The following SPICE1 variants were observed in gnomAD, a reference collection of about 807,000 sequenced individuals.
SPICE1 encodes the protein spindle and centriole associated protein 1.
Under a neutral mutation model 102.7 loss-of-function variants are expected in SPICE1, and 75 were observed. That is an observed-to-expected ratio of 0.73 (90% CI 0.61 to 0.88). The LOEUF (loss-of-function observed/expected upper bound fraction) is 0.88. Among genes scored for constraint, SPICE1 ranks in the 40% least tolerant of loss-of-function variants. The probability of loss-of-function intolerance (pLI) is 0.00; values close to 1 mark genes in which losing one functional copy is unlikely to be tolerated. For missense variants in SPICE1, 979 were observed against 1,020.1 expected (o/e 0.96, Z 0.55); for synonymous variants, 308 against 350.3 (o/e 0.88, Z 1.35).
Position 113,446,681 on chromosome 3 carries a change from T to C in SPICE1, c.2427-5A>G. On this transcript the variant is annotated splice_polypyrimidine_tract_variant and splice_region_variant and intron_variant, in intron 16 of 17. Coordinates refer to ENST00000295872, the MANE Select transcript of SPICE1 (RefSeq NM_144718.4). ...TTACCAGTAGCCCCGGAAGATCTAT[T>C]CATGAAAAATAAAACAGAGTAAGAG... The C allele has an allele frequency of 6.2e-7, 1 of 1,608,650 alleles. No individual in the cohort carries two copies. Among genetic ancestry groups the C allele is most frequent in the Non-Finnish European group, 8.5e-7 (1 of 1,175,796 alleles).
In SPICE1 at chr3:113,443,849, A is replaced by G. The variant is rs1351190475; in HGVS notation, c.*1458T>C. The G allele has an allele frequency of 1.3e-5, 2 of 152,236 alleles. No individual in the cohort carries two copies. The highest frequency in any genetic ancestry group is 2.4e-5 in the African/African-American group (1 of 41,470). 9.4% of individuals were successfully genotyped at this position (152,236 alleles called of 1,614,324 possible). A position where few individuals can be genotyped will look rare whatever the true frequency, so the allele number is the denominator to read the frequency against. On this transcript the variant is annotated 3_prime_UTR_variant, in exon 18 of 18. Transcript: ENST00000295872. ...TCATGAAGCACATAAAGTGGCTACA[A>G]TATTGCCTAGTATGTAGTTAACAGT...
chr3:113,458,245 G>A (rs562026294), intron 12 of SPICE1, among the ~76,000 whole-genome samples: 18 of 150,190 alleles, frequency 1.2e-4, no homozygotes, highest in African/African-American at 3.9e-4. Context: ...CTCTTTGCAC[G>A]TCTCCCTCTG....
intron 4 of SPICE1, among the ~76,000 whole-genome samples, chr3:113,498,509 C>T (rs1936943466): frequency 6.6e-6 from 1 of 152,202 alleles, no homozygotes; most frequent in Non-Finnish European, 1.5e-5. Flanking sequence ...ATGTATGCGA[C>T]TTGTCCAAGA....
At chr3:113,478,705 G>A (rs1476348875) in intron 7 of SPICE1, among the ~76,000 whole-genome samples, 1 of 152,120 alleles carries the variant, frequency 6.6e-6, no homozygotes, top group Non-Finnish European at 1.5e-5. Flanking sequence ...GCAAAAATAA[G>A]TAAGGATACA....
chr3:113,499,743 A>T (rs1270758904), intron 3 of SPICE1, among the ~76,000 whole-genome samples, 161 bp from the exon 4 acceptor site: 1 of 152,192 alleles, frequency 6.6e-6, no homozygotes, highest in Non-Finnish European at 1.5e-5. Flanking sequence ...TCAGTCCCCT[A>T]AATTTTCAAA....
In SPICE1 at chr3:113,445,069, A is replaced by G; in HGVS notation, c.*238T>C. On this transcript the variant is annotated 3_prime_UTR_variant, in exon 18 of 18. Coordinates refer to ENST00000295872, the MANE Select transcript of SPICE1 (RefSeq NM_144718.4). ...ATACTTAAGAAAGTATTAAAATACA[A>G]AACTTTAACTTCTCTACAGTCAAAG... 2.9e-6 allele frequency: 1 copy of G among 345,058 alleles called. No individual in the cohort carries two copies. The highest frequency in any genetic ancestry group is 5.2e-6 in the Non-Finnish European group (1 of 193,056). 21.4% of individuals were successfully genotyped at this position (345,058 alleles called of 1,614,324 possible).
chr3:113,475,720 G>A (rs1014083387), intron 7 of SPICE1, among the ~76,000 whole-genome samples: 1 of 152,110 alleles, frequency 6.6e-6, no homozygotes, highest in African/African-American at 2.4e-5. Context: ...AAAGGCCTTT[G>A]ACAAAATTCA....
At chr3:113,485,855 T>A (rs1292170388) in intron 7 of SPICE1, among the ~76,000 whole-genome samples, 1 of 152,220 alleles carries the variant, frequency 6.6e-6, no homozygotes, top group Non-Finnish European at 1.5e-5. Context: ...GGGACATGGA[T>A]GGAGCTGGAT....
intron 11 of SPICE1, among the ~76,000 whole-genome samples, chr3:113,464,932 C>T (rs1293257380): frequency 6.6e-6 from 1 of 151,930 alleles, no homozygotes; most frequent in Non-Finnish European, 1.5e-5. Context: ...CATGGTGAAA[C>T]CCCATCTCTA....
At chr3:113,489,251 C>G (rs11919330) in intron 6 of SPICE1, among the ~76,000 whole-genome samples, 188 bp from the exon 7 acceptor site, 6,514 of 152,212 alleles carry the variant, frequency 0.043, 167 homozygotes, top group East Asian at 0.1. Flanking sequence ...TTTTCAACAT[C>G]TGTCTCTGTA....
At chr3:113,501,489 G>A (rs1384545540) in intron 3 of SPICE1, among the ~76,000 whole-genome samples, 1 of 151,988 alleles carries the variant, frequency 6.6e-6, no homozygotes, top group African/African-American at 2.4e-5. Context: ...CTAAGAAAAT[G>A]GGAGAAAATA....
intron 6 of SPICE1, among the ~76,000 whole-genome samples, chr3:113,489,847 CAA>C (rs35823502): frequency 0.038 from 3,048 of 80,018 alleles, 43 homozygotes; most frequent in East Asian, 0.13. Flanking sequence ...GACCCTGTCT[CAA>C]AAAAAAAAAA....
intron 5 of SPICE1, 147 bp from the exon 6 acceptor site, chr3:113,493,459 G>C: frequency 1.5e-6 from 1 of 647,410 alleles, no homozygotes; most frequent in Non-Finnish European, 2.7e-6. Context: ...GCCAGGCACT[G>C]TTCTAAACGT....
At chr3:113,500,294 A>G (rs1576647554) in intron 3 of SPICE1, among the ~76,000 whole-genome samples, 1 of 152,354 alleles carries the variant, frequency 6.6e-6, no homozygotes, top group Non-Finnish European at 1.5e-5. Flanking sequence ...GAACATGAAC[A>G]TATATGATAA....
At chr3:113,458,981 G>T (rs1473396642) in intron 12 of SPICE1, among the ~76,000 whole-genome samples, 1 of 152,130 alleles carries the variant, frequency 6.6e-6, no homozygotes, top group African/African-American at 2.4e-5. Flanking sequence ...TAGAAAAGGG[G>T]GAAATGTGGG....
At chr3:113,463,776 G>A (rs1197635822) in intron 11 of SPICE1, among the ~76,000 whole-genome samples, 2 of 152,214 alleles carry the variant, frequency 1.3e-5, no homozygotes, top group African/African-American at 4.8e-5. Context: ...GACTTCTAAA[G>A]GGTACAGGAT....
intron 2 of SPICE1, among the ~76,000 whole-genome samples, chr3:113,503,499 A>G (rs1937049179): frequency 6.6e-6 from 1 of 152,224 alleles, no homozygotes; most frequent in Admixed American, 6.5e-5. Context: ...CAATGAAAAT[A>G]CTCAAAATGA....
chr3:113,450,765 A>T (rs956786580), intron 14 of SPICE1, among the ~76,000 whole-genome samples: 1 of 151,980 alleles, frequency 6.6e-6, no homozygotes, highest in Non-Finnish European at 1.5e-5. Context: ...TTTAGCAGAG[A>T]CGGGGTTTCA....
At chr3:113,501,958 T>C (rs1345635462) in intron 3 of SPICE1, among the ~76,000 whole-genome samples, 1 of 152,250 alleles carries the variant, frequency 6.6e-6, no homozygotes, top group African/African-American at 2.4e-5. Context: ...ACATGAATGT[T>C]CACAGCAGCA....
Sources: gnomAD v4.1 joint callset for allele counts (sites outside exome capture counted in the v4.1 genomes callset) on GRCh38, gnomAD v4.1.1 for gene constraint, MANE v1.5 for transcripts, NCBI Gene and HGNC (gene_info 2026-07-23, HGNC 2026-07-21) for gene names.